Variants in USH2A observed in about 807,000 individuals in gnomAD.
USH2A encodes Usher syndrome 2A (autosomal recessive, mild).
A neutral mutation model predicts 538.9 loss-of-function variants in USH2A; 443 were observed. That is an observed-to-expected ratio of 0.82 (90% CI 0.76 to 0.89). The LOEUF is 0.89. Among genes scored for constraint, USH2A ranks in the 40% least tolerant of loss-of-function variants. The probability of loss-of-function intolerance (pLI) is 0.00; values close to 1 mark genes in which losing one functional copy is unlikely to be tolerated. For synonymous variants in USH2A, 2,413 were observed against 2,273.5 expected, an observed-to-expected ratio of 1.06 and a Z score of -1.75; for missense variants, 6,633 against 6,324.8, an observed-to-expected ratio of 1.05 and a Z score of -1.65.
chr1:215,859,660 G>C (rs967479361), intron 44 of USH2A, among the ~76,000 whole-genome samples: 4 of 152,098 alleles, frequency 2.6e-5, no homozygotes, highest in African/African-American at 7.2e-5. Flanking sequence ...TTAGGGGGCA[G>C]TCCTGGAACC....
intron 9 of USH2A, among the ~76,000 whole-genome samples, chr1:216,300,568 T>G (rs545319443): frequency 3.5e-4 from 53 of 152,276 alleles, no homozygotes; most frequent in Non-Finnish European, 6.5e-4. Context: ...CTGATGAAAT[T>G]TATTTTATTA....
chr1:216,102,543 T>C (rs1250498473), intron 21 of USH2A, among the ~76,000 whole-genome samples: 2 of 152,168 alleles, frequency 1.3e-5, no homozygotes, highest in African/African-American at 2.4e-5. Context: ...CTCACGCCTG[T>C]AATCCCAGCA....
In USH2A at chr1:215,627,461, C is replaced by T. The variant is rs376020865; in HGVS notation, c.15519+1353G>A. 3.6e-3 allele frequency among the ~76,000 whole-genome samples: 484 copies of T among 133,242 alleles called. 14 individuals are homozygous for T. Among genetic ancestry groups the T allele is most frequent in the South Asian group, 0.013 (51 of 4,040 alleles). The allele number at this position is 133,242 out of a possible 152,430, so 87.4% of individuals were successfully genotyped here. ...CCTTCCTTCCTTCCTTCCTTCCTTC[C>T]TTCCTTCCTTCCTTCCTTCCTTCTT... On this transcript the variant is annotated intron_variant, in intron 71 of 71. Transcript: ENST00000307340.
rs775852020 is a variant in USH2A, at chr1:216,272,118, TG to T, written c.1971+17161del. Among the ~76,000 whole-genome samples, 13 of 152,252 alleles carry T rather than the reference TG, an allele frequency of 8.5e-5. 1 individual carries two copies. Among genetic ancestry groups the T allele is most frequent in the Admixed American group, 3.3e-4 (5 of 15,280 alleles). On this transcript the variant is annotated intron_variant, in intron 11 of 71. Coordinates refer to ENST00000307340, the MANE Select transcript of USH2A (RefSeq NM_206933.4). Reference sequence around the variant, plus strand: ...TTTATGTTAGTGGCAAATTCATTAGTGAAGCCATTTGGGACTGAGATTTTCC... The same window carrying T: ...TTTATGTTAGTGGCAAATTCATTAGTAAGCCATTTGGGACTGAGATTTTCC...
At chr1:215,889,740 G>A (rs1159237730) in intron 40 of USH2A, among the ~76,000 whole-genome samples, 1 of 151,974 alleles carries the variant, frequency 6.6e-6, no homozygotes, top group Admixed American at 6.6e-5. Context: ...TATCATAAAG[G>A]TTCAGGAGGC....
At chr1:216,065,072 A>G (rs994528051) in intron 30 of USH2A, among the ~76,000 whole-genome samples, 2 of 152,264 alleles carry the variant, frequency 1.3e-5, no homozygotes, top group African/African-American at 4.8e-5. Flanking sequence ...CAAATTTGAT[A>G]TATAAAAATA....
In USH2A at chr1:215,730,192, C is replaced by A. The variant is rs557020062; in HGVS notation, c.11712-1808G>T. On this transcript the variant is annotated intron_variant, in intron 60 of 71. Transcript: ENST00000307340. ...TATATATCTGATACTTCATTTGGAA[C>A]AGTTCTTTTCTCATCCAGATGTAAA... is the stretch of plus-strand genomic sequence containing the variant. 9.2e-5 allele frequency among the ~76,000 whole-genome samples: 14 copies of A among 152,250 alleles called. No homozygotes were observed. In the South Asian group the frequency reaches 2.3e-3, roughly 25 times the overall value.
intron 4 of USH2A, among the ~76,000 whole-genome samples, chr1:216,345,622 G>A (rs1399980212): frequency 6.6e-6 from 1 of 152,082 alleles, no homozygotes; most frequent in East Asian, 1.9e-4. Flanking sequence ...GATTTGTGAG[G>A]CTAGTTTTAA....
At chr1:216,217,640 G>A (rs955260298) in intron 14 of USH2A, 90 bp from the exon 15 acceptor site, 4 of 1,469,752 alleles carry the variant, frequency 2.7e-6, no homozygotes, top group South Asian at 1.2e-5. Flanking sequence ...GCATTGTAGA[G>A]TAAGACGGCT....
intron 51 of USH2A, among the ~76,000 whole-genome samples, chr1:215,789,488 C>A (rs955754826): frequency 1.3e-5 from 2 of 152,152 alleles, no homozygotes; most frequent in African/African-American, 4.8e-5. Context: ...AAGTTTAATA[C>A]CCACATACAT....
intron 70 of USH2A, among the ~76,000 whole-genome samples, chr1:215,632,958 G>A (rs887170509): frequency 3.3e-5 from 5 of 152,210 alleles, no homozygotes; most frequent in South Asian, 4.1e-4. Flanking sequence ...GCCAGGCACC[G>A]TTCTGGGTCC....
rs570710986 is a variant in USH2A at position 215,799,162 on chromosome 1, TA to T, written c.9740-38del. On this transcript the variant is annotated intron_variant, in intron 49 of 71. Transcript: ENST00000307340. The stretch of plus-strand genomic sequence containing the variant: ...GGACAATAATAATCATTACATCAGT[TA>T]AAAAAATATGCTATGACTAACAATT... 1.7e-4 allele frequency: 270 copies of T among 1,573,658 alleles called. 2 individuals carry two copies. The African/African-American group carries it at 2.6e-3, about 15-fold the overall frequency.
chr1:215,645,407 C>T (rs775482015), intron 67 of USH2A, among the ~76,000 whole-genome samples: 1 of 152,130 alleles, frequency 6.6e-6, no homozygotes, highest in African/African-American at 2.4e-5. Context: ...TTTAGGGCCA[C>T]GTCACTGTCT....
At chr1:215,892,791 T>C (rs1665241086) in intron 40 of USH2A, among the ~76,000 whole-genome samples, 1 of 152,170 alleles carries the variant, frequency 6.6e-6, no homozygotes, top group African/African-American at 2.4e-5. Flanking sequence ...AAATGGGCTG[T>C]ATAACATAAG....
intron 22 of USH2A, among the ~76,000 whole-genome samples, chr1:216,092,904 A>G (rs964003946): frequency 2.0e-5 from 3 of 152,136 alleles, no homozygotes; most frequent in Non-Finnish European, 4.4e-5. Flanking sequence ...ATTTCAGATA[A>G]AAATTTACTT....
chr1:215,731,827 T>G (rs1015429083), intron 60 of USH2A, among the ~76,000 whole-genome samples: 1 of 152,182 alleles, frequency 6.6e-6, no homozygotes. Context: ...ATGAAGAATA[T>G]TACAAATATT....
At chr1:216,302,148 G>C (rs1231363340) in intron 9 of USH2A, among the ~76,000 whole-genome samples, 1 of 152,164 alleles carries the variant, frequency 6.6e-6, no homozygotes, top group East Asian at 1.9e-4. Context: ...TTTCAGAGGG[G>C]AACACAGATA....
chr1:215,643,902 A>C (rs2102639103), intron 67 of USH2A, among the ~76,000 whole-genome samples: 1 of 152,322 alleles, frequency 6.6e-6, no homozygotes, highest in African/African-American at 2.4e-5. Context: ...GGCAAAAGCT[A>C]AGCTTCATGA....
At chr1:216,231,412 T>A (rs996485400) in intron 14 of USH2A, among the ~76,000 whole-genome samples, 3 of 149,942 alleles carry the variant, frequency 2.0e-5, no homozygotes, top group South Asian at 2.1e-4. Flanking sequence ...ATATATTTTA[T>A]CTCATTCAAC....
Sources: gnomAD v4.1 joint callset for allele counts (sites outside exome capture counted in the v4.1 genomes callset) on GRCh38, gnomAD v4.1.1 for gene constraint, MANE v1.5 for transcripts, NCBI Gene and HGNC (gene_info 2026-07-23, HGNC 2026-07-21) for gene names.